The following ZNF496 variants were observed in gnomAD, a reference collection of about 807,000 sequenced individuals.
ZNF496 encodes the protein NSD1 (nuclear receptor binding SET-domain containing 1)-interacting zinc finger protein 1.
A neutral mutation model predicts 58.9 loss-of-function variants in ZNF496; 11 were observed. The observed-to-expected ratio is 0.19, with a 90% CI of 0.12 to 0.31. The LOEUF (loss-of-function observed/expected upper bound fraction) is 0.31, where lower values mean the gene tolerates loss of function less well. Among genes scored for constraint, ZNF496 ranks in the 10% least tolerant of loss-of-function variants. ZNF496 has a pLI of 1.00. For synonymous variants in ZNF496, 338 were observed against 318.2 expected, an observed-to-expected ratio of 1.06 and a Z score of -0.66; for missense variants, 660 against 783.0, an observed-to-expected ratio of 0.84 and a Z score of 1.88.
chr1:247,323,287 A>T, intron 5 of ZNF496, 57 bp from the exon 6 acceptor site: 1 of 1,335,786 alleles, frequency 7.5e-7, no homozygotes, highest in Non-Finnish European at 1.1e-6. Flanking sequence ...CCTGGTGCTG[A>T]TACCTTCTGA....
intron 9 of ZNF496, among the ~76,000 whole-genome samples, chr1:247,306,701 A>T (rs1218417929): frequency 2.0e-5 from 3 of 151,648 alleles, no homozygotes; most frequent in Non-Finnish European, 4.4e-5. Flanking sequence ...AGGTTTCGCC[A>T]TGTTGGCCAG....
chr1:247,320,906 G>A (rs1462301280), intron 6 of ZNF496, among the ~76,000 whole-genome samples: 2 of 152,182 alleles, frequency 1.3e-5, no homozygotes, highest in Admixed American at 1.3e-4. Context: ...CAGGCATGGT[G>A]GCTCACGCCT....
At chr1:247,307,425 TG>T (rs1291553775) in intron 9 of ZNF496, 3 of 985,298 alleles carry the variant, frequency 3.0e-6, no homozygotes, top group Non-Finnish European at 2.4e-6. Context: ...AGTATATTGA[TG>T]GGGCTGAGAG....
intron 7 of ZNF496, 34 bp downstream of exon 7, chr1:247,310,290 T>C: frequency 6.2e-7 from 1 of 1,613,514 alleles, no homozygotes; most frequent in Non-Finnish European, 8.5e-7. Flanking sequence ...CCCAGTTCCC[T>C]GGTCTTGAGG....
rs1402634003 is a variant in ZNF496, at chr1:247,319,913, A to G, written c.651+3241T>C. 2.0e-5 allele frequency among the ~76,000 whole-genome samples: 3 copies of G among 152,088 alleles called. No homozygotes were observed. In the East Asian group the frequency reaches 5.8e-4, roughly 29 times the overall value. On this transcript the variant is annotated intron_variant, in intron 6 of 9. Transcript: ENST00000682384. Reference sequence around the variant, plus strand: ...ACTCCAGCCTGGGTGACAGAGTGAGACTCCGCCTCAAACAAAATAAAACAA... The same window carrying G: ...ACTCCAGCCTGGGTGACAGAGTGAGGCTCCGCCTCAAACAAAATAAAACAA...
At position 247,301,238 on chromosome 1, in the gene ZNF496, C is replaced by T. The variant is rs1365347607; in HGVS notation, c.1045G>A (p.Glu349Lys). The stretch of plus-strand genomic sequence containing the variant: ...AGAACGATCTCGATGGTCACTTCTT[C>T]ATCCAGGCTGTTCTCTAGAGATCGC... Reference protein sequence around the residue: ...NPRSLENSLDEEVTIEIVLSS... With the variant: ...NPRSLENSLDKEVTIEIVLSS... Residue 349 changes from glutamate to lysine, a missense_variant, in exon 10 of 10, where the codon GAA becomes AAA. Physicochemically the swap from Glu to Lys is moderately conservative, Grantham distance 56. Transcript: ENST00000682384. 6.5e-7 allele frequency: 1 copy of T among 1,532,924 alleles called. No homozygotes were observed. The highest frequency in any genetic ancestry group is 8.8e-7 in the Non-Finnish European group (1 of 1,141,910). The allele number at this position is 1,532,924 out of a possible 1,614,324, so 95.0% of individuals were successfully genotyped here. A position where few individuals can be genotyped will look rare whatever the true frequency, so the allele number is the denominator to read the frequency against.
intron 5 of ZNF496, among the ~76,000 whole-genome samples, chr1:247,326,037 C>CAT (rs536095555): frequency 0.048 from 4,053 of 85,234 alleles, 171 homozygotes; most frequent in African/African-American, 0.12. Context: ...TATACACACG[C>CAT]ATATATATAT....
chr1:247,308,613 A>G lies in ZNF496; in HGVS notation c.893-25T>C, dbSNP rs1659492387. 6.2e-7 allele frequency: 1 copy of G among 1,608,756 alleles called. No individual in the cohort carries two copies. On this transcript the variant is annotated intron_variant, in intron 8 of 9. Coordinates refer to ENST00000682384, the MANE Select transcript of ZNF496 (RefSeq NM_032752.3). The surrounding 1 kb of genome is among the most constrained non-coding windows in gnomAD (Gnocchi z 4.5). ...TCTTTCCAGAGGAGGAAATGGAAAAATTGATTTGTTTTGCACCTACAGCAC... is the reference window on the plus strand; with the variant it reads ...TCTTTCCAGAGGAGGAAATGGAAAAGTTGATTTGTTTTGCACCTACAGCAC...
chr1:247,312,728 C>A (rs1167226643), intron 6 of ZNF496: 1 of 95,890 alleles, frequency 1.0e-5, no homozygotes, highest in African/African-American at 3.4e-5. Context: ...AGCAGGACTC[C>A]ATCTCAAAAA....
Position 247,329,740 on chromosome 1 carries a change from T to G in ZNF496, c.-37-125A>C. On this transcript the variant is annotated intron_variant, in intron 3 of 9. Coordinates refer to ENST00000682384, the MANE Select transcript of ZNF496 (RefSeq NM_032752.3). This position sits in a 1 kb window ranked among gnomAD's most constrained non-coding sequence, Gnocchi z 5.5. ...CCCTTTGGAGAAGCCCTGGGAAAGG[T>G]AGGGAGTGTTGGTGTGGCTGGTCTT... 2 of 870,978 alleles carry G rather than the reference T, an allele frequency of 2.3e-6. No individual in the cohort carries two copies. The highest frequency in any genetic ancestry group is 3.4e-6 in the Non-Finnish European group (2 of 590,092). 54.0% of individuals were successfully genotyped at this position (870,978 alleles called of 1,614,324 possible).
chr1:247,315,583 G>A (rs930460807), intron 6 of ZNF496, among the ~76,000 whole-genome samples: 1 of 152,096 alleles, frequency 6.6e-6, no homozygotes, highest in Non-Finnish European at 1.5e-5. Context: ...GAATAAGGGG[G>A]CACAAACGTC....
intron 2 of ZNF496, among the ~76,000 whole-genome samples, chr1:247,330,302 T>C (rs1268684028): frequency 6.6e-6 from 1 of 152,162 alleles, no homozygotes; most frequent in African/African-American, 2.4e-5. Context: ...CATCTAGAAG[T>C]ATCAGTGGTT....
intron 5 of ZNF496, 79 bp from the exon 6 acceptor site, chr1:247,323,309 CTCT>C: frequency 1.0e-6 from 1 of 999,976 alleles, no homozygotes; most frequent in Non-Finnish European, 1.5e-6. Flanking sequence ...CTTCCTGCGG[CTCT>C]TCATTTCCAT....
Position 247,314,278 on chromosome 1 carries a change from A to G in ZNF496, c.652-3822T>C, listed in dbSNP as rs185013155. ...TGCTATGTTACTCAAGCTGGTCTCA[A>G]ATGCTTGGGCTCAAGCAGTTCTCCC... On this transcript the variant is annotated intron_variant, in intron 6 of 9. Coordinates refer to ENST00000682384, the MANE Select transcript of ZNF496 (RefSeq NM_032752.3). Among the ~76,000 whole-genome samples, 30 of 152,186 alleles carry G rather than the reference A, an allele frequency of 2.0e-4. No homozygotes were observed. In the East Asian group the frequency reaches 5.0e-3, roughly 26 times the overall value.
At chr1:247,326,051 C>CAG (rs1558157995) in intron 5 of ZNF496, among the ~76,000 whole-genome samples, 3 of 24,394 alleles carry the variant, frequency 1.2e-4, no homozygotes, top group East Asian at 2.7e-3. Context: ...TATATATATA[C>CAG]ACACACACAC....
Position 247,301,224 on chromosome 1 carries a change from G to A in ZNF496, c.1059C>T (p.Ile353=), listed in dbSNP as rs375833884. ...CCCCAGAGCTGGAGAGAACGATCTC[G>A]ATGGTCACTTCTTCATCCAGGCTGT... ...LENSLDEEVT[I]EIVLSSSGDE... The change falls in exon 10 of 10, where the codon ATC becomes ATT. Residue 353 remains isoleucine (I), a synonymous_variant. Coordinates refer to ENST00000682384, the MANE Select transcript of ZNF496 (RefSeq NM_032752.3). 1.3e-6 allele frequency: 2 copies of A among 1,539,798 alleles called. No individual in the cohort carries two copies. Among genetic ancestry groups the A allele is most frequent in the Non-Finnish European group, 8.7e-7 (1 of 1,144,770 alleles).
chr1:247,309,943 A>G lies in ZNF496; in HGVS notation c.785-137T>C. 7.5e-7 allele frequency: 1 copy of G among 1,332,390 alleles called. No homozygotes were observed. The highest frequency in any genetic ancestry group is 2.4e-5 in the Admixed American group (1 of 41,124). 82.5% of individuals were successfully genotyped at this position (1,332,390 alleles called of 1,614,324 possible). A position where few individuals can be genotyped will look rare whatever the true frequency, so the allele number is the denominator to read the frequency against. ...CAGGGGCGAGAAGTGAAAAGGCCAGAGCTGGCAGTGCAGGGGCAGTGGGGG... is the reference window on the plus strand; with the variant it reads ...CAGGGGCGAGAAGTGAAAAGGCCAGGGCTGGCAGTGCAGGGGCAGTGGGGG... On this transcript the variant is annotated intron_variant, in intron 7 of 9. Transcript: ENST00000682384. The surrounding 1 kb of genome is among the most constrained non-coding windows in gnomAD (Gnocchi z 4.3).
chr1:247,323,405 T>G (rs1163331000), intron 5 of ZNF496, among the ~76,000 whole-genome samples, 175 bp from the exon 6 acceptor site: 4 of 152,176 alleles, frequency 2.6e-5, no homozygotes, highest in Non-Finnish European at 4.4e-5. Flanking sequence ...GTCTCTGTTC[T>G]TAACTGTAAA....
chr1:247,324,079 G>GAAAAA (rs61548661), intron 5 of ZNF496, among the ~76,000 whole-genome samples: 181 of 87,900 alleles, frequency 2.1e-3, no homozygotes, highest in Middle Eastern at 8.5e-3. Flanking sequence ...TGTCTCAAAT[G>GAAAAA]AAAAAAAAAA....
Sources: allele counts gnomAD v4.1 joint callset (sites outside exome capture counted in the v4.1 genomes callset), GRCh38; gene constraint gnomAD v4.1.1; non-coding constraint Gnocchi (gnomAD v3.1); transcripts MANE v1.5; gene names NCBI Gene and HGNC (gene_info 2026-07-23, HGNC 2026-07-21).